Variants in PDHX observed in about 807,000 individuals in gnomAD.
PDHX encodes pyruvate dehydrogenase complex component X, also known as pyruvate dehydrogenase protein X component, mitochondrial.
Under a neutral mutation model 55.3 loss-of-function variants are expected in PDHX, and 33 were observed. The ratio of observed to expected loss-of-function variants is 0.60; its 90% CI spans 0.45 to 0.80. The LOEUF (loss-of-function observed/expected upper bound fraction) is 0.80. PDHX is among the 30% of genes least tolerant of loss of function. The probability of loss-of-function intolerance (pLI) is 0.00; values close to 1 mark genes in which losing one functional copy is unlikely to be tolerated. For missense variants in PDHX, 622 were observed against 619.9 expected (o/e 1.00, Z -0.04); for synonymous variants, 226 against 219.4 (o/e 1.03, Z -0.27).
chr11:34,961,646 C>T lies in PDHX; in HGVS notation c.641+1128C>T, dbSNP rs1855023639. Reference sequence around the variant, plus strand: ...TACTCTTCATGAAAGCTTTGGCTTACTGTTGGGTGTTTATTTTATTGAAAG... The same window carrying T: ...TACTCTTCATGAAAGCTTTGGCTTATTGTTGGGTGTTTATTTTATTGAAAG... On this transcript the variant is annotated intron_variant, in intron 5 of 10. Transcript: ENST00000227868. 2.0e-5 allele frequency among the ~76,000 whole-genome samples: 3 copies of T among 152,258 alleles called. No individual in the cohort carries two copies. In the South Asian group the frequency reaches 6.2e-4, roughly 32 times the overall value.
At chr11:34,940,818 T>C (rs984475724) in intron 2 of PDHX, among the ~76,000 whole-genome samples, 3 of 152,208 alleles carry the variant, frequency 2.0e-5, no homozygotes, top group Admixed American at 6.5e-5. Flanking sequence ...TAATGTTTGG[T>C]CTTTTGTGAC....
At chr11:34,921,451 C>CT (rs1306979674) in intron 1 of PDHX, among the ~76,000 whole-genome samples, 21 of 115,884 alleles carry the variant, frequency 1.8e-4, no homozygotes, top group African/African-American at 5.5e-4. Context: ...AGAAACTGAC[C>CT]CAAAGTAGAC....
At chr11:34,937,303 A>T (rs1162838687) in intron 2 of PDHX, among the ~76,000 whole-genome samples, 1 of 108,368 alleles carries the variant, frequency 9.2e-6, no homozygotes, top group African/African-American at 2.6e-5. Context: ...ATATAATATT[A>T]TAAGTAAATC....
intron 3 of PDHX, among the ~76,000 whole-genome samples, chr11:34,953,153 C>T (rs893291684): frequency 4.6e-5 from 7 of 152,138 alleles, no homozygotes; most frequent in African/African-American, 1.7e-4. Flanking sequence ...AGGACCTCTT[C>T]AAGTAGAACT....
chr11:34,947,811 T>C (rs1298022670), intron 3 of PDHX, among the ~76,000 whole-genome samples: 3 of 152,236 alleles, frequency 2.0e-5, no homozygotes, highest in Admixed American at 1.3e-4. Context: ...TTTTCTGTAA[T>C]GTGCGTTATT....
chr11:34,983,592 C>G (rs1855570606), intron 8 of PDHX, among the ~76,000 whole-genome samples: 1 of 150,870 alleles, frequency 6.6e-6, no homozygotes, highest in East Asian at 1.9e-4. Flanking sequence ...AATACACAAT[C>G]AATGTGCAAA....
chr11:34,975,640 T>G (rs949560501), intron 7 of PDHX, among the ~76,000 whole-genome samples: 1 of 152,182 alleles, frequency 6.6e-6, no homozygotes, highest in Non-Finnish European at 1.5e-5. Context: ...TGTACCATAC[T>G]CTGCCCTCTT....
At chr11:34,931,954 C>T (rs1206970996) in intron 2 of PDHX, among the ~76,000 whole-genome samples, 1 of 151,650 alleles carries the variant, frequency 6.6e-6, no homozygotes, top group African/African-American at 2.4e-5. Context: ...GGGTTGTAGC[C>T]CTGCTAATTA....
Position 34,984,656 on chromosome 11 carries a change from T to A in PDHX, c.1110T>A (p.Asp370Glu), listed in dbSNP as rs1262934740. 18 of 1,614,044 alleles carry A rather than the reference T, an allele frequency of 1.1e-5. No homozygotes were observed. In the East Asian group the frequency reaches 4.0e-4, roughly 36 times the overall value. ...ACATTTCAGTGGCTGTGGCAACAGA[T>A]AAAGGCTTACTTACTCCAATCATAA... is the stretch of plus-strand genomic sequence containing the variant. ...FIDISVAVAT[D>E]KGLLTPIIKD... is the part of the protein sequence containing the mutation. Residue 370 changes from aspartate (D) to glutamate (E), a missense_variant, in exon 9 of 11, where the codon GAT (aspartate) becomes GAA (glutamate). Physicochemically the swap from Asp to Glu is conservative, Grantham distance 45 (BLOSUM62 2). Transcript: ENST00000227868.
chr11:34,942,667 A>G (rs1385673148), intron 2 of PDHX, among the ~76,000 whole-genome samples: 1 of 152,158 alleles, frequency 6.6e-6, no homozygotes, highest in Non-Finnish European at 1.5e-5. Flanking sequence ...CATTTACATG[A>G]TGTTTGATTA....
chr11:34,932,777 C>T (rs755639915), intron 2 of PDHX, among the ~76,000 whole-genome samples: 6 of 152,144 alleles, frequency 3.9e-5, no homozygotes, highest in African/African-American at 1.4e-4. Flanking sequence ...TAAGAATAGA[C>T]ACAAACACAC....
intron 2 of PDHX, among the ~76,000 whole-genome samples, chr11:34,936,810 GAC>G (rs1199372900): frequency 9.3e-3 from 113 of 12,206 alleles, no homozygotes; most frequent in African/African-American, 0.027. Flanking sequence ...TTTTTTCTGA[GAC>G]AGAGTCTCAC....
chr11:34,948,683 A>G (rs1336789359), intron 3 of PDHX, among the ~76,000 whole-genome samples: 1 of 151,890 alleles, frequency 6.6e-6, no homozygotes, highest in Non-Finnish European at 1.5e-5. Flanking sequence ...TCCAGGTTGA[A>G]ACATGTTGAT....
At chr11:34,968,176 T>C (rs1017883624) in intron 6 of PDHX, among the ~76,000 whole-genome samples, 5 of 151,348 alleles carry the variant, frequency 3.3e-5, no homozygotes, top group African/African-American at 1.2e-4. Flanking sequence ...GCGGTGGAGA[T>C]TGGGGAATCA....
chr11:34,987,232 AGG>A (rs1855666087), intron 9 of PDHX, among the ~76,000 whole-genome samples: 1 of 152,138 alleles, frequency 6.6e-6, no homozygotes, highest in Admixed American at 6.5e-5. Flanking sequence ...GTTACCAGAA[AGG>A]AGGGTTTGGT....
At chr11:34,960,358 G>C in intron 4 of PDHX, 62 bp from the exon 5 acceptor site, 2 of 1,061,124 alleles carry the variant, frequency 1.9e-6, no homozygotes, top group Non-Finnish European at 2.9e-6. Flanking sequence ...TTGACATTTA[G>C]ATCTATTTGA....
At chr11:34,963,735 T>G (rs752802896) in intron 5 of PDHX, among the ~76,000 whole-genome samples, 2 of 152,228 alleles carry the variant, frequency 1.3e-5, no homozygotes, top group African/African-American at 4.8e-5. Flanking sequence ...TAATTTTGCC[T>G]TAAAACAAGC....
At chr11:34,977,806 T>C (rs970143053) in intron 7 of PDHX, 1 of 470,666 alleles carries the variant, frequency 2.1e-6, no homozygotes, top group African/African-American at 2.0e-5. Flanking sequence ...TTTCGAGACA[T>C]AGGAGTTAGT....
At chr11:34,969,797 A>G (rs981831033) in intron 6 of PDHX, among the ~76,000 whole-genome samples, 1 of 152,202 alleles carries the variant, frequency 6.6e-6, no homozygotes, top group East Asian at 1.9e-4. Context: ...GTGTGTACGT[A>G]TATATACACA....
Sources: gnomAD v4.1 joint callset for allele counts (sites outside exome capture counted in the v4.1 genomes callset) on GRCh38, gnomAD v4.1.1 for gene constraint, MANE v1.5 for transcripts, NCBI Gene and HGNC (gene_info 2026-07-23, HGNC 2026-07-21) for gene names.